The following NPAS2 variants were observed in gnomAD, a reference collection of about 807,000 sequenced individuals.
NPAS2 encodes neuronal PAS domain-containing protein 2.
NPAS2 carries 23 observed loss-of-function variants against 107.5 expected under a neutral mutation model. That is an observed-to-expected ratio of 0.21 (90% CI 0.15 to 0.30). The LOEUF (loss-of-function observed/expected upper bound fraction) is 0.30, where lower values mean the gene tolerates loss of function less well. Among genes scored for constraint, NPAS2 ranks in the 10% least tolerant of loss-of-function variants. The pLI is 1.00. For synonymous variants in NPAS2, 403 were observed against 417.5 expected, an observed-to-expected ratio of 0.97 and a Z score of 0.42; for missense variants, 756 against 1,043.3, an observed-to-expected ratio of 0.72 and a Z score of 3.79.
chr2:100,953,192 T>C (rs1035719494), intron 7 of NPAS2, among the ~76,000 whole-genome samples: 10 of 133,582 alleles, frequency 7.5e-5, no homozygotes, highest in African/African-American at 2.6e-4. Context: ...CTGGCCAACA[T>C]GGCGAAACCC....
intron 1 of NPAS2, among the ~76,000 whole-genome samples, chr2:100,877,416 G>T (rs1251939173): frequency 8.9e-6 from 1 of 112,552 alleles, no homozygotes; most frequent in East Asian, 2.6e-4. Flanking sequence ...AGTGAGCCGA[G>T]ATCGCGCCAC....
chr2:100,945,880 C>G (rs753756951), intron 5 of NPAS2, among the ~76,000 whole-genome samples: 1 of 152,160 alleles, frequency 6.6e-6, no homozygotes, highest in Non-Finnish European at 1.5e-5. Flanking sequence ...CAGTGTTCTC[C>G]GGGCACCTTG....
At chr2:100,863,008 G>C (rs1679038511) in intron 1 of NPAS2, among the ~76,000 whole-genome samples, 1 of 152,164 alleles carries the variant, frequency 6.6e-6, no homozygotes, top group African/African-American at 2.4e-5. Flanking sequence ...TCGTGAGGAA[G>C]GATGTATCTT....
At chr2:100,913,591 T>C (rs1034733034) in intron 2 of NPAS2, among the ~76,000 whole-genome samples, 3 of 152,166 alleles carry the variant, frequency 2.0e-5, no homozygotes, top group Non-Finnish European at 4.4e-5. Flanking sequence ...AGTCCACATA[T>C]GAAATGGATT....
At chr2:100,893,095 T>C (rs943901267) in intron 1 of NPAS2, among the ~76,000 whole-genome samples, 10 of 152,200 alleles carry the variant, frequency 6.6e-5, no homozygotes, top group Non-Finnish European at 5.9e-5. Context: ...AATCACAATA[T>C]GGAAGTTATT....
At chr2:100,972,612 G>A (rs1055880742) in intron 12 of NPAS2, 6 of 152,240 alleles carry the variant, frequency 3.9e-5, no homozygotes, top group African/African-American at 1.2e-4. Flanking sequence ...GCCATGTGGT[G>A]GTGTGTTCCA....
At position 100,979,512 on chromosome 2, in the gene NPAS2, T is replaced by A. The variant is rs1224104806; in HGVS notation, c.1482+1713T>A. 4.7e-3 allele frequency among the ~76,000 whole-genome samples: 595 copies of A among 126,912 alleles called. 2 individuals are homozygous for A. The highest frequency in any genetic ancestry group is 0.019 in the South Asian group (59 of 3,098). 83.3% of individuals were successfully genotyped at this position (126,912 alleles called of 152,430 possible). A position where few individuals can be genotyped will look rare whatever the true frequency, so the allele number is the denominator to read the frequency against. On this transcript the variant is annotated intron_variant, in intron 15 of 20. Transcript: ENST00000335681. ...TATATATATATATATATTTTTTTTTTTTTTTTTTTTTTTTTTCTGAGACGG... is the reference window on the plus strand; with the variant it reads ...TATATATATATATATATTTTTTTTTATTTTTTTTTTTTTTTTCTGAGACGG...
At chr2:100,835,380 C>T (rs79998690) in intron 1 of NPAS2, among the ~76,000 whole-genome samples, 1,828 of 152,288 alleles carry the variant, frequency 0.012, 32 homozygotes, top group East Asian at 0.051. Flanking sequence ...TCTTTAGCTT[C>T]AGCAGGTTTT....
rs1431505091 is a variant in NPAS2, at chr2:100,965,434, G to A, written c.801-226G>A. Among the ~76,000 whole-genome samples, 2 of 151,282 alleles carry A rather than the reference G, an allele frequency of 1.3e-5. No individual in the cohort carries two copies. The highest frequency in any genetic ancestry group is 2.9e-5 in the Non-Finnish European group (2 of 67,956). On this transcript the variant is annotated intron_variant, in intron 9 of 20. Transcript: ENST00000335681. The surrounding 1 kb of genome is among the most constrained non-coding windows in gnomAD (Gnocchi z 4.3). ...GTAGTGATAAAGCTTATTGTTATTT[G>A]GGCCAAGTTATGCCAAGGGAAAGGA...
chr2:100,859,431 T>C (rs1021665349), intron 1 of NPAS2, among the ~76,000 whole-genome samples: 7 of 152,090 alleles, frequency 4.6e-5, no homozygotes, highest in African/African-American at 9.7e-5. Context: ...GCTCATAGAA[T>C]AGTGGGATAG....
At chr2:100,844,873 G>C (rs540186426) in intron 1 of NPAS2, among the ~76,000 whole-genome samples, 10 of 152,308 alleles carry the variant, frequency 6.6e-5, no homozygotes, top group African/African-American at 2.2e-4. Flanking sequence ...AGTCAAGGGT[G>C]AGGAAGGGAT....
At chr2:100,849,687 G>A (rs1438385713) in intron 1 of NPAS2, among the ~76,000 whole-genome samples, 1 of 152,158 alleles carries the variant, frequency 6.6e-6, no homozygotes, top group Admixed American at 6.5e-5. Context: ...TCTAAAGCAA[G>A]GTTGTGGAAG....
chr2:100,925,173 G>A lies in NPAS2; in HGVS notation c.60G>A (p.Lys20=), dbSNP rs142182575. The A allele has an allele frequency of 3.1e-4, 504 of 1,613,038 alleles. No homozygotes were observed. Among genetic ancestry groups the A allele is most frequent in the Admixed American group, 8.2e-4 (49 of 59,914 alleles). Residue 20 remains lysine (K), a synonymous_variant, in exon 3 of 21, where the codon AAG becomes AAA. Transcript: ENST00000335681. ...CTTCTCGAAACAAGTCTGAGAAGAAGCGTCGGGACCAGTTCAATGTTCTCA... is the reference window on the plus strand; with the variant it reads ...CTTCTCGAAACAAGTCTGAGAAGAAACGTCGGGACCAGTTCAATGTTCTCA... ...KRASRNKSEK[K]RRDQFNVLIK...
chr2:100,821,546 C>T (rs1210620354), intron 1 of NPAS2, among the ~76,000 whole-genome samples: 1 of 152,186 alleles, frequency 6.6e-6, no homozygotes, highest in Non-Finnish European at 1.5e-5. Flanking sequence ...GAACCCAAAC[C>T]TTATTTTCCT....
In NPAS2 at chr2:100,977,830, C is replaced by T. The variant is rs763571727; in HGVS notation, c.1482+31C>T. 1.0e-5 allele frequency: 16 copies of T among 1,590,958 alleles called. No individual in the cohort carries two copies. The African/African-American group carries it at 1.7e-4, about 17-fold the overall frequency. On this transcript the variant is annotated intron_variant, in intron 15 of 20. Coordinates refer to ENST00000335681, the MANE Select transcript of NPAS2 (RefSeq NM_002518.4). ...TCTGGGACCCAGGAAAGGGCAGCCC[C>T]TCTCAAGCCAGAAGTCCGCAGTGTG...
chr2:100,844,699 C>G (rs1677661582), intron 1 of NPAS2, among the ~76,000 whole-genome samples: 1 of 152,130 alleles, frequency 6.6e-6, no homozygotes, highest in Admixed American at 6.5e-5. Context: ...CATATTGATG[C>G]TGTCCGGATG....
At chr2:100,982,503 ATGAAAGCAT>A in intron 16 of NPAS2, 126 bp downstream of exon 16, 1 of 1,083,412 alleles carries the variant, frequency 9.2e-7, no homozygotes, top group Non-Finnish European at 1.3e-6. Context: ...CCATTTGCTT[ATGAAAGCAT>A]ATTGCAGTCT....
rs1677002881 is a variant in NPAS2 at position 100,976,313 on chromosome 2, T to C, written c.1392+746T>C. ...TGAGGCCATCCGTCATTGACTTGCA[T>C]GGGCCTCTCAAGCCTTAGGCTTCTC... On this transcript the variant is annotated intron_variant, in intron 14 of 20. Coordinates refer to ENST00000335681, the MANE Select transcript of NPAS2 (RefSeq NM_002518.4). The surrounding 1 kb of genome is among the most constrained non-coding windows in gnomAD (Gnocchi z 4.1). 6.6e-6 allele frequency among the ~76,000 whole-genome samples: 1 copy of C among 152,088 alleles called. No individual in the cohort carries two copies. Among genetic ancestry groups the C allele is most frequent in the Non-Finnish European group, 1.5e-5 (1 of 68,030 alleles).
At chr2:100,890,035 C>T (rs919098186) in intron 1 of NPAS2, among the ~76,000 whole-genome samples, 5 of 152,092 alleles carry the variant, frequency 3.3e-5, no homozygotes, top group African/African-American at 7.2e-5. Context: ...CTCCTGGCAG[C>T]GTGCAGTGGT....
Sources: gnomAD v4.1 joint callset for allele counts (sites outside exome capture counted in the v4.1 genomes callset) on GRCh38, gnomAD v4.1.1 for gene constraint, Gnocchi (gnomAD v3.1) non-coding constraint, MANE v1.5 for transcripts, NCBI Gene and HGNC (gene_info 2026-07-23, HGNC 2026-07-21) for gene names.